PRDM5: variants seen among roughly 807,000 people sequenced by gnomAD.
The protein encoded by PRDM5 is PR domain zinc finger protein 5.
A neutral mutation model predicts 81.2 loss-of-function variants in PRDM5; 56 were observed. That is an observed-to-expected ratio of 0.69 (90% CI 0.56 to 0.86). The LOEUF (loss-of-function observed/expected upper bound fraction) is 0.86, where lower values mean the gene tolerates loss of function less well. PRDM5 is among the 40% of genes least tolerant of loss of function. The pLI, the probability that PRDM5 is intolerant of heterozygous loss-of-function variation, is 0.00. For missense variants in PRDM5, 697 were observed against 770.1 expected (o/e 0.91, Z 1.12); for synonymous variants, 267 against 256.4 (o/e 1.04, Z -0.39).
intron 14 of PRDM5, among the ~76,000 whole-genome samples, chr4:120,730,214 T>C (rs1740043538): frequency 6.6e-6 from 1 of 152,168 alleles, no homozygotes; most frequent in Non-Finnish European, 1.5e-5. Context: ...CCCTCTTCTG[T>C]AACATGGAAT....
At chr4:120,707,542 C>T (rs1478321682) in intron 15 of PRDM5, among the ~76,000 whole-genome samples, 3 of 151,078 alleles carry the variant, frequency 2.0e-5, no homozygotes, top group African/African-American at 7.3e-5. Context: ...AGAGCTAAAA[C>T]TATAAGACTC....
chr4:120,768,184 C>T (rs1746673703), intron 13 of PRDM5, among the ~76,000 whole-genome samples: 1 of 152,052 alleles, frequency 6.6e-6, no homozygotes, highest in South Asian at 2.1e-4. Flanking sequence ...ATCTTTTATA[C>T]TGGGGGACTT....
chr4:120,879,904 G>C (rs1762678637), intron 2 of PRDM5, among the ~76,000 whole-genome samples: 2 of 152,124 alleles, frequency 1.3e-5, no homozygotes. Flanking sequence ...CAGGAAATTT[G>C]GGGGCAGTGA....
At chr4:120,720,118 G>A (rs1224398242) in intron 14 of PRDM5, among the ~76,000 whole-genome samples, 1 of 152,158 alleles carries the variant, frequency 6.6e-6, no homozygotes, top group Non-Finnish European at 1.5e-5. Flanking sequence ...CTGTTCACAT[G>A]TGTCTGGAGT....
chr4:120,698,467 C>G (rs546438530), intron 15 of PRDM5, among the ~76,000 whole-genome samples: 1 of 152,290 alleles, frequency 6.6e-6, no homozygotes, highest in Non-Finnish European at 1.5e-5. Flanking sequence ...CAATCCTTGG[C>G]TTTCTTCTCC....
At chr4:120,729,718 G>A (rs1317374476) in intron 14 of PRDM5, among the ~76,000 whole-genome samples, 3 of 152,112 alleles carry the variant, frequency 2.0e-5, no homozygotes, top group Admixed American at 6.5e-5. Flanking sequence ...GTATTACAAG[G>A]GACATGAAAT....
intron 2 of PRDM5, among the ~76,000 whole-genome samples, chr4:120,873,847 C>A (rs946096668): frequency 2.6e-4 from 40 of 152,178 alleles, no homozygotes; most frequent in African/African-American, 8.7e-4. Context: ...TTTTCAGCAC[C>A]CATGTATATA....
At chr4:120,794,361 T>C (rs1751029372) in intron 10 of PRDM5, among the ~76,000 whole-genome samples, 1 of 152,098 alleles carries the variant, frequency 6.6e-6, no homozygotes, top group Non-Finnish European at 1.5e-5. Context: ...ACTTACACCA[T>C]ATGTTTTGGT....
At chr4:120,810,267 A>G (rs1753642118) in intron 8 of PRDM5, among the ~76,000 whole-genome samples, 1 of 152,156 alleles carries the variant, frequency 6.6e-6, no homozygotes, top group South Asian at 2.1e-4. Flanking sequence ...AAAATAAATC[A>G]TAGAATTATA....
At chr4:120,803,803 C>G (rs1752483845) in intron 8 of PRDM5, among the ~76,000 whole-genome samples, 1 of 152,118 alleles carries the variant, frequency 6.6e-6, no homozygotes, top group African/African-American at 2.4e-5. Flanking sequence ...AACTAACGAG[C>G]AAAATAGCAA....
chr4:120,852,422 C>T (rs1578990058), intron 3 of PRDM5, among the ~76,000 whole-genome samples: 1 of 152,126 alleles, frequency 6.6e-6, no homozygotes, highest in Non-Finnish European at 1.5e-5. Flanking sequence ...TCCAATCATG[C>T]TGAGTCCTGA....
intron 13 of PRDM5, among the ~76,000 whole-genome samples, chr4:120,767,031 G>A (rs902606914): frequency 1.3e-5 from 2 of 152,320 alleles, no homozygotes; most frequent in South Asian, 4.1e-4. Context: ...GGAGGATGCA[G>A]AGCGGAACGA....
rs138334966 is a variant in PRDM5, at chr4:120,749,829, C to T, written c.1623+4724G>A. Among the ~76,000 whole-genome samples, 131 of 152,246 alleles carry T rather than the reference C, an allele frequency of 8.6e-4. 1 individual carries two copies. The East Asian group carries it at 0.02, about 23-fold the overall frequency. ...CAGAAAACCTGCTCTTGCCCAAGAA[C>T]CCCAGTGATCCACAGGAGAGGTCTG... On this transcript the variant is annotated intron_variant, in intron 14 of 15. Transcript: ENST00000264808.
intron 1 of PRDM5, among the ~76,000 whole-genome samples, chr4:120,685,376 G>T (rs1223227766): frequency 6.6e-6 from 1 of 152,030 alleles, no homozygotes; most frequent in Non-Finnish European, 1.5e-5. Context: ...TGATGTTTTA[G>T]TTAAAAGAAT....
At chr4:120,821,000 T>C (rs1755186212) in intron 4 of PRDM5, among the ~76,000 whole-genome samples, 171 bp downstream of exon 4, 1 of 152,232 alleles carries the variant, frequency 6.6e-6, no homozygotes, top group Non-Finnish European at 1.5e-5. Flanking sequence ...ATACTTTTCC[T>C]GCTGTAACAA....
chr4:120,786,315 T>G (rs537089288), intron 10 of PRDM5, among the ~76,000 whole-genome samples: 1 of 152,224 alleles, frequency 6.6e-6, no homozygotes, highest in South Asian at 2.1e-4. Flanking sequence ...TATTTAAGAT[T>G]AGTCAGGATA....
intron 14 of PRDM5, among the ~76,000 whole-genome samples, chr4:120,728,097 G>A (rs563318094): frequency 6.1e-4 from 93 of 152,024 alleles, no homozygotes; most frequent in African/African-American, 1.9e-3. Flanking sequence ...AAAGGCTTCC[G>A]GTCTCATTGC....
intron 2 of PRDM5, among the ~76,000 whole-genome samples, chr4:120,892,947 G>A (rs1408871724): frequency 6.6e-6 from 1 of 152,176 alleles, no homozygotes; most frequent in Non-Finnish European, 1.5e-5. Flanking sequence ...GCCAGAAGTT[G>A]GCACTAAGCC....
chr4:120,904,115 A>G (rs893088507), intron 2 of PRDM5, among the ~76,000 whole-genome samples: 2 of 135,404 alleles, frequency 1.5e-5, no homozygotes, highest in Non-Finnish European at 3.1e-5. Context: ...TCTTGAACCC[A>G]GGAGATGGAG....
Sources: allele counts gnomAD v4.1 joint callset (sites outside exome capture counted in the v4.1 genomes callset), GRCh38; gene constraint gnomAD v4.1.1; transcripts MANE v1.5; gene names NCBI Gene and HGNC (gene_info 2026-07-23, HGNC 2026-07-21).